Variants in PCSK2 observed in about 807,000 individuals in gnomAD.
PCSK2 encodes proprotein convertase subtilisin/kexin type 2.
In PCSK2, 14 loss-of-function variants were observed where a neutral mutation model predicts 69.7. The ratio of observed to expected loss-of-function variants is 0.20; its 90% CI spans 0.13 to 0.31. The LOEUF (loss-of-function observed/expected upper bound fraction) is 0.31, where lower values mean the gene tolerates loss of function less well. Ranked by LOEUF, PCSK2 falls within the 10% of genes least tolerant of loss-of-function variation. The pLI is 1.00. For missense variants in PCSK2, 544 were observed against 842.5 expected (o/e 0.65, Z 4.39); for synonymous variants, 307 against 320.7 (o/e 0.96, Z 0.46).
chr20:17,417,043 A>C (rs1346196563), intron 6 of PCSK2, among the ~76,000 whole-genome samples: 1 of 149,474 alleles, frequency 6.7e-6, no homozygotes, highest in Non-Finnish European at 1.5e-5. Context: ...AGACTGGGGG[A>C]GGGGTAGCAT....
chr20:17,430,248 G>A (rs143268218), intron 7 of PCSK2, among the ~76,000 whole-genome samples: 3,601 of 152,270 alleles, frequency 0.024, 158 homozygotes, highest in African/African-American at 0.082. Context: ...GACAGAGACA[G>A]AGACTGAGAG....
rs13039265 is a variant in PCSK2 at position 17,347,898 on chromosome 20, A to G, written c.283-10429A>G. On this transcript the variant is annotated intron_variant, in intron 2 of 11. Coordinates refer to ENST00000262545, the MANE Select transcript of PCSK2 (RefSeq NM_002594.5). ...AAAGAAAGAAAGAAAGAAAGAAAGA[A>G]AGAAAGAAAGAAAGAAAGAAAGGAG... Among the ~76,000 whole-genome samples, 68 of 93,230 alleles carry G rather than the reference A, an allele frequency of 7.3e-4. 6 individuals are homozygous for G. The highest frequency in any genetic ancestry group is 2.3e-3 in the African/African-American group (54 of 23,980). 61.2% of individuals were successfully genotyped at this position (93,230 alleles called of 152,430 possible).
At chr20:17,386,699 G>A (rs1469714729) in intron 5 of PCSK2, among the ~76,000 whole-genome samples, 4 of 152,156 alleles carry the variant, frequency 2.6e-5, no homozygotes, top group African/African-American at 7.2e-5. Context: ...AGATGAAAAA[G>A]TTATGAAGAT....
intron 5 of PCSK2, among the ~76,000 whole-genome samples, chr20:17,389,633 G>A (rs1434140690): frequency 2.0e-5 from 3 of 152,190 alleles, no homozygotes; most frequent in Non-Finnish European, 2.9e-5. Context: ...AAGGACCAGG[G>A]CTCATTTATC....
At chr20:17,437,991 C>CT (rs1221866736) in intron 8 of PCSK2, among the ~76,000 whole-genome samples, 1 of 147,486 alleles carries the variant, frequency 6.8e-6, no homozygotes, top group Non-Finnish European at 1.5e-5. Flanking sequence ...CAGTTCCCCC[C>CT]CACCCACACC....
At chr20:17,326,332 A>G (rs1468707770) in intron 2 of PCSK2, among the ~76,000 whole-genome samples, 3 of 152,246 alleles carry the variant, frequency 2.0e-5, no homozygotes, top group Non-Finnish European at 4.4e-5. Flanking sequence ...CAAAGTCATC[A>G]AAAGCAAGAA....
intron 2 of PCSK2, among the ~76,000 whole-genome samples, chr20:17,336,281 A>C (rs1723672277): frequency 6.6e-6 from 1 of 152,188 alleles, no homozygotes; most frequent in African/African-American, 2.4e-5. Context: ...AAACACAGGT[A>C]TACACCATCC....
chr20:17,337,046 C>A (rs908236869), intron 2 of PCSK2, among the ~76,000 whole-genome samples: 2 of 151,804 alleles, frequency 1.3e-5, no homozygotes, highest in African/African-American at 4.8e-5. Context: ...TATTGACACC[C>A]AAGGAAACTG....
intron 11 of PCSK2, among the ~76,000 whole-genome samples, chr20:17,480,363 G>A (rs925192903): frequency 4.0e-5 from 6 of 151,272 alleles, no homozygotes; most frequent in African/African-American, 1.5e-4. Flanking sequence ...CTAATTTTTC[G>A]TATTTTTAGT....
chr20:17,471,851 G>A lies in PCSK2; in HGVS notation c.1430+6298G>A, dbSNP rs77873532. ...ACGAAGCACACTCGAGGAGCGGTGGGGTACAGGAATCAACAGCCGTGGCAA... is the reference window on the plus strand; with the variant it reads ...ACGAAGCACACTCGAGGAGCGGTGGAGTACAGGAATCAACAGCCGTGGCAA... On this transcript the variant is annotated intron_variant, in intron 11 of 11. Coordinates refer to ENST00000262545, the MANE Select transcript of PCSK2 (RefSeq NM_002594.5). Among the ~76,000 whole-genome samples, 1,038 of 152,306 alleles carry A rather than the reference G, an allele frequency of 6.8e-3. 15 individuals carry two copies. The highest frequency in any genetic ancestry group is 0.024 in the African/African-American group (1,001 of 41,562).
chr20:17,363,970 C>T (rs922003942), intron 4 of PCSK2, among the ~76,000 whole-genome samples: 1 of 152,112 alleles, frequency 6.6e-6, no homozygotes, highest in African/African-American at 2.4e-5. Context: ...CTTTGCTCTG[C>T]CTTCCTGGTG....
At chr20:17,448,506 C>G (rs977513278) in intron 8 of PCSK2, among the ~76,000 whole-genome samples, 1 of 152,116 alleles carries the variant, frequency 6.6e-6, no homozygotes, top group Non-Finnish European at 1.5e-5. Context: ...TAAGGCCATG[C>G]CCAGCAAGTT....
intron 1 of PCSK2, among the ~76,000 whole-genome samples, chr20:17,242,540 T>C (rs539689069): frequency 1.3e-5 from 2 of 152,374 alleles, no homozygotes; most frequent in South Asian, 4.1e-4. Flanking sequence ...CTGAGGTCTC[T>C]ATTTTGCTAT....
At chr20:17,455,833 C>T (rs2032909665) in intron 9 of PCSK2, among the ~76,000 whole-genome samples, 1 of 152,220 alleles carries the variant, frequency 6.6e-6, no homozygotes, top group Non-Finnish European at 1.5e-5. Context: ...GACTATATAT[C>T]CCCTTTTACG....
chr20:17,243,341 C>T (rs113240657), intron 1 of PCSK2, among the ~76,000 whole-genome samples: 77 of 152,224 alleles, frequency 5.1e-4, no homozygotes, highest in African/African-American at 1.7e-3. Context: ...GCTAAGACTA[C>T]AGGCACACAC....
At chr20:17,233,260 G>A (rs1986209881) in intron 1 of PCSK2, among the ~76,000 whole-genome samples, 1 of 152,122 alleles carries the variant, frequency 6.6e-6, no homozygotes, top group Non-Finnish European at 1.5e-5. Context: ...AAAATATGGT[G>A]GCTGTGAAAA....
At chr20:17,347,787 CGAAAGAAAGAAAGAAA>C (rs58349005) in intron 2 of PCSK2, among the ~76,000 whole-genome samples, 4,248 of 48,332 alleles carry the variant, frequency 0.088, 215 homozygotes, top group Middle Eastern at 0.093. Flanking sequence ...GACACATAGA[CGAAAGAAAGAAAGAAA>C]GAAAGAAAGA....
chr20:17,230,137 C>G (rs950462983), intron 1 of PCSK2, among the ~76,000 whole-genome samples: 1 of 152,158 alleles, frequency 6.6e-6, no homozygotes, highest in Non-Finnish European at 1.5e-5. Flanking sequence ...TGTACTTTTG[C>G]CAACATTTGT....
At chr20:17,274,540 T>C (rs973901147) in intron 2 of PCSK2, among the ~76,000 whole-genome samples, 9 of 152,090 alleles carry the variant, frequency 5.9e-5, no homozygotes, top group African/African-American at 2.2e-4. Flanking sequence ...CCCTGAGAAC[T>C]CCATGCTGTG....
Sources: gnomAD v4.1 joint callset for allele counts (sites outside exome capture counted in the v4.1 genomes callset) on GRCh38, gnomAD v4.1.1 for gene constraint, MANE v1.5 for transcripts, NCBI Gene and HGNC (gene_info 2026-07-23, HGNC 2026-07-21) for gene names.